The following PARD3 variants were observed in gnomAD, a reference collection of about 807,000 sequenced individuals.
The protein encoded by PARD3 is partitioning defective 3 homolog.
In PARD3, 75 loss-of-function variants were observed where a neutral mutation model predicts 155.4. That is an observed-to-expected ratio of 0.48 (90% CI 0.40 to 0.58). PARD3 has a LOEUF of 0.58. Ranked by LOEUF, PARD3 falls within the 20% of genes least tolerant of loss-of-function variation. The pLI is 0.00. For missense variants in PARD3, 1,642 were observed against 1,721.7 expected (o/e 0.95, Z 0.82); for synonymous variants, 576 against 610.5 (o/e 0.94, Z 0.83).
At chr10:34,581,172 T>C (rs1248094074) in intron 2 of PARD3, among the ~76,000 whole-genome samples, 3 of 151,940 alleles carry the variant, frequency 2.0e-5, no homozygotes, top group East Asian at 1.9e-4. Flanking sequence ...AATTAATATT[T>C]ATTTGGGATT....
At chr10:34,402,331 C>T (rs1261255415) in intron 5 of PARD3, among the ~76,000 whole-genome samples, 3 of 152,086 alleles carry the variant, frequency 2.0e-5, no homozygotes, top group Non-Finnish European at 1.5e-5. Flanking sequence ...AAACAGCTTC[C>T]TACTCAAAAC....
At position 34,301,818 on chromosome 10, in the gene PARD3, C is replaced by CTTTTT. The variant is rs5784408; in HGVS notation, c.3065+15284_3065+15288dup. ...TCTTTCTTATTGTTCTTTCTCCTTT[C>CTTTTT]TTTTTTTTTTTTTTTTTTTTAACAT... On this transcript the variant is annotated intron_variant, in intron 20 of 24. Coordinates refer to ENST00000374788, the MANE Select transcript of PARD3 (RefSeq NM_001184785.2). 1.1e-3 allele frequency among the ~76,000 whole-genome samples: 133 copies of CTTTTT among 125,812 alleles called. 1 individual carries two copies. Among genetic ancestry groups the CTTTTT allele is most frequent in the African/African-American group, 3.5e-3 (116 of 33,568 alleles). The allele number at this position is 125,812 out of a possible 152,430, so 82.5% of individuals were successfully genotyped here.
chr10:34,398,849 A>C (rs1332883469), intron 7 of PARD3, among the ~76,000 whole-genome samples: 5 of 152,210 alleles, frequency 3.3e-5, no homozygotes, highest in Admixed American at 2.6e-4. Context: ...GGCTTGCCTA[A>C]TTTTTTAAAA....
intron 2 of PARD3, among the ~76,000 whole-genome samples, chr10:34,536,591 A>G (rs951749146): frequency 1.3e-5 from 2 of 152,250 alleles, no homozygotes; most frequent in Non-Finnish European, 2.9e-5. Context: ...ACAAGTACTG[A>G]ATCATTATTT....
chr10:34,768,030 T>C (rs1838336144), intron 1 of PARD3, among the ~76,000 whole-genome samples: 1 of 152,166 alleles, frequency 6.6e-6, no homozygotes, highest in African/African-American at 2.4e-5. Context: ...TGTGCAATTT[T>C]TTCTTCTTTG....
chr10:34,161,081 A>C (rs982145347), intron 22 of PARD3, among the ~76,000 whole-genome samples: 1 of 152,002 alleles, frequency 6.6e-6, no homozygotes, highest in Non-Finnish European at 1.5e-5. Flanking sequence ...ATCTCTACAT[A>C]AAAAGTTTAA....
At chr10:34,640,487 T>C (rs1005068008) in intron 2 of PARD3, among the ~76,000 whole-genome samples, 2 of 151,466 alleles carry the variant, frequency 1.3e-5, no homozygotes, top group African/African-American at 4.8e-5. Context: ...CGTGGTGGCA[T>C]GCACCTATAG....
chr10:34,286,737 T>C (rs752682665), intron 20 of PARD3, among the ~76,000 whole-genome samples: 3 of 152,140 alleles, frequency 2.0e-5, no homozygotes, highest in Non-Finnish European at 4.4e-5. Context: ...CTGAAGGATT[T>C]GGAACAGAGG....
intron 22 of PARD3, among the ~76,000 whole-genome samples, chr10:34,205,146 T>C (rs1951409859): frequency 6.6e-6 from 1 of 152,094 alleles, no homozygotes; most frequent in Non-Finnish European, 1.5e-5. Context: ...CAGTTAGGTG[T>C]GTTATACACC....
intron 2 of PARD3, among the ~76,000 whole-genome samples, chr10:34,527,289 C>A (rs1398001505): frequency 2.0e-5 from 3 of 152,186 alleles, no homozygotes; most frequent in Non-Finnish European, 4.4e-5. Context: ...AAGAACTAGC[C>A]TTGTTTCCAA....
At chr10:34,174,822 T>C (rs1250577168) in intron 22 of PARD3, among the ~76,000 whole-genome samples, 1 of 152,228 alleles carries the variant, frequency 6.6e-6, no homozygotes, top group Non-Finnish European at 1.5e-5. Flanking sequence ...TTCTATATTA[T>C]GGTTGTATAT....
chr10:34,727,916 T>G (rs2094747419), intron 1 of PARD3, among the ~76,000 whole-genome samples: 1 of 134,786 alleles, frequency 7.4e-6, no homozygotes. Flanking sequence ...ACCACTTCCA[T>G]CCAACCCCTC....
intron 3 of PARD3, among the ~76,000 whole-genome samples, chr10:34,482,751 G>T (rs535754505): frequency 1.3e-5 from 2 of 151,984 alleles, no homozygotes; most frequent in Non-Finnish European, 2.9e-5. Flanking sequence ...TGAGACCAGG[G>T]GAATATAAGG....
At chr10:34,208,356 A>C (rs918599088) in intron 22 of PARD3, among the ~76,000 whole-genome samples, 6 of 152,206 alleles carry the variant, frequency 3.9e-5, no homozygotes, top group Admixed American at 3.3e-4. Flanking sequence ...GCAGAACCAA[A>C]TTATAGAGGC....
At chr10:34,472,183 C>T (rs2078393057) in intron 3 of PARD3, among the ~76,000 whole-genome samples, 1 of 152,076 alleles carries the variant, frequency 6.6e-6, no homozygotes, top group African/African-American at 2.4e-5. Flanking sequence ...TAGTCAACTC[C>T]AAATTTAATA....
intron 2 of PARD3, among the ~76,000 whole-genome samples, chr10:34,620,744 G>A (rs2091616329): frequency 6.6e-6 from 1 of 152,132 alleles, no homozygotes; most frequent in African/African-American, 2.4e-5. Context: ...AAAGAAGTGG[G>A]AAATTTCTTA....
chr10:34,520,363 G>A (rs1416922490), intron 2 of PARD3, among the ~76,000 whole-genome samples: 1 of 152,096 alleles, frequency 6.6e-6, no homozygotes, highest in African/African-American at 2.4e-5. Flanking sequence ...AGAAATCACA[G>A]TAGGATGAAT....
chr10:34,528,934 A>C (rs1327406407), intron 2 of PARD3, among the ~76,000 whole-genome samples: 1 of 152,160 alleles, frequency 6.6e-6, no homozygotes, highest in Non-Finnish European at 1.5e-5. Context: ...ACTTATTTAA[A>C]AGGACTTGGT....
intron 2 of PARD3, among the ~76,000 whole-genome samples, chr10:34,582,189 C>T (rs531171086): frequency 6.6e-6 from 1 of 152,270 alleles, no homozygotes; most frequent in South Asian, 2.1e-4. Context: ...TAATAACTTT[C>T]TTGACAGTGT....
Sources: gnomAD v4.1 joint callset for allele counts (sites outside exome capture counted in the v4.1 genomes callset) on GRCh38, gnomAD v4.1.1 for gene constraint, MANE v1.5 for transcripts, NCBI Gene and HGNC (gene_info 2026-07-23, HGNC 2026-07-21) for gene names.